The following ROR1 variants were observed in gnomAD, a reference collection of about 807,000 sequenced individuals.
The protein encoded by ROR1 is inactive tyrosine-protein kinase transmembrane receptor ROR1.
A neutral mutation model predicts 78.8 loss-of-function variants in ROR1; 19 were observed. The ratio of observed to expected loss-of-function variants is 0.24; its 90% confidence interval spans 0.17 to 0.35. ROR1 has a LOEUF of 0.35. Ranked by LOEUF, ROR1 falls within the 10% of genes least tolerant of loss-of-function variation. ROR1 has a pLI of 1.00. For synonymous variants in ROR1, 386 were observed against 433.6 expected, an observed-to-expected ratio of 0.89 and a Z score of 1.36; for missense variants, 917 against 1,177.8, an observed-to-expected ratio of 0.78 and a Z score of 3.24.
At chr1:63,983,690 T>C (rs144966991) in intron 1 of ROR1, among the ~76,000 whole-genome samples, 202 of 152,288 alleles carry the variant, frequency 1.3e-3, no homozygotes, top group Admixed American at 3.3e-3. Context: ...TAAAACTGCC[T>C]TTAGCGCCTC....
intron 1 of ROR1, among the ~76,000 whole-genome samples, chr1:63,892,556 G>A (rs1349199508): frequency 6.6e-6 from 1 of 152,158 alleles, no homozygotes; most frequent in African/African-American, 2.4e-5. Context: ...AGCCTGAGAA[G>A]GCAGATAGAT....
At chr1:64,158,748 A>C (rs975671224) in intron 7 of ROR1, among the ~76,000 whole-genome samples, 1 of 152,218 alleles carries the variant, frequency 6.6e-6, no homozygotes, top group African/African-American at 2.4e-5. Context: ...AAGTCTTCAT[A>C]ATGTCCCTCT....
chr1:64,060,760 G>A (rs72914959), intron 4 of ROR1, among the ~76,000 whole-genome samples: 3,655 of 152,256 alleles, frequency 0.024, 157 homozygotes, highest in African/African-American at 0.082. Context: ...CTGCAGAGAA[G>A]GAGCAGATGG....
chr1:64,171,529 T>G (rs1482190606), intron 8 of ROR1, among the ~76,000 whole-genome samples: 1 of 152,144 alleles, frequency 6.6e-6, no homozygotes, highest in Non-Finnish European at 1.5e-5. Flanking sequence ...TGTAGACACT[T>G]GTGTCCAGCC....
chr1:63,902,644 T>G (rs947566257), intron 1 of ROR1, among the ~76,000 whole-genome samples: 1 of 152,110 alleles, frequency 6.6e-6, no homozygotes, highest in Non-Finnish European at 1.5e-5. Flanking sequence ...GGATTATAAA[T>G]CTAGCTCCAT....
At chr1:63,958,769 C>G (rs770556362) in intron 1 of ROR1, among the ~76,000 whole-genome samples, 3 of 152,172 alleles carry the variant, frequency 2.0e-5, no homozygotes, top group Non-Finnish European at 2.9e-5. Context: ...TCCATCACAT[C>G]AACATTCCAG....
At chr1:63,816,541 T>A (rs1316021806) in intron 1 of ROR1, among the ~76,000 whole-genome samples, 1 of 152,186 alleles carries the variant, frequency 6.6e-6, no homozygotes, top group African/African-American at 2.4e-5. Context: ...TGTAAGTCCA[T>A]TAAACCTCTT....
At chr1:63,896,765 G>A (rs1171744437) in intron 1 of ROR1, among the ~76,000 whole-genome samples, 2 of 151,974 alleles carry the variant, frequency 1.3e-5, no homozygotes, top group African/African-American at 4.8e-5. Flanking sequence ...GATTTGGGGG[G>A]CATTGGGGGG....
At chr1:63,894,400 G>GT (rs1557548384) in intron 1 of ROR1, among the ~76,000 whole-genome samples, 1 of 152,144 alleles carries the variant, frequency 6.6e-6, no homozygotes, top group Non-Finnish European at 1.5e-5. Flanking sequence ...ATAAGAGAAA[G>GT]CAATTTGATG....
At chr1:63,864,285 C>T (rs1338223819) in intron 1 of ROR1, among the ~76,000 whole-genome samples, 1 of 152,180 alleles carries the variant, frequency 6.6e-6, no homozygotes, top group Admixed American at 6.6e-5. Context: ...GAAAGCTGCT[C>T]ACTCTCAGCC....
chr1:64,179,071 T>C lies in ROR1; in HGVS notation c.*216T>C. 2.0e-6 allele frequency: 1 copy of C among 509,058 alleles called. No individual in the cohort carries two copies. Among genetic ancestry groups the C allele is most frequent in the Non-Finnish European group, 3.4e-6 (1 of 292,130 alleles). 31.5% of individuals were successfully genotyped at this position (509,058 alleles called of 1,614,324 possible). On this transcript the variant is annotated 3_prime_UTR_variant, in exon 9 of 9. Coordinates refer to ENST00000371079, the MANE Select transcript of ROR1 (RefSeq NM_005012.4). ...ACAAGCAAACAAAAACATTGTGGGA[T>C]GTGCACTCCATTGGAGTGCATGACA...
intron 1 of ROR1, among the ~76,000 whole-genome samples, chr1:63,815,849 TG>T (rs1260494046): frequency 6.6e-6 from 1 of 151,854 alleles, no homozygotes; most frequent in East Asian, 1.9e-4. Context: ...AGTCCTGGGG[TG>T]GGGGACCTGC....
rs1553133293 is a variant in ROR1, at chr1:63,806,316, A to AATT, written c.91+31808_91+31809insATT. Among the ~76,000 whole-genome samples the AATT allele has an allele frequency of 1.4e-3, 120 of 87,254 alleles. 1 individual carries two copies. The South Asian group carries it at 0.021, about 15-fold the overall frequency. 57.2% of individuals were successfully genotyped at this position (87,254 alleles called of 152,430 possible). Reference sequence around the variant, plus strand: ...TTAGCTTGTTTGTGACTGTCAGACTATTTTTTTTTTTTTTTTTTTGAGATG... The same window carrying AATT: ...TTAGCTTGTTTGTGACTGTCAGACTAATTTTTTTTTTTTTTTTTTTTTGAGATG... On this transcript the variant is annotated intron_variant, in intron 1 of 8. Coordinates refer to ENST00000371079, the MANE Select transcript of ROR1 (RefSeq NM_005012.4).
intron 1 of ROR1, among the ~76,000 whole-genome samples, chr1:63,861,819 CCA>C (rs1645183956): frequency 6.6e-6 from 1 of 152,022 alleles, no homozygotes; most frequent in African/African-American, 2.4e-5. Flanking sequence ...AGATAAATGC[CCA>C]TTCCAATTGA....
chr1:64,027,753 T>C (rs1389282792), intron 2 of ROR1, among the ~76,000 whole-genome samples: 3 of 151,950 alleles, frequency 2.0e-5, no homozygotes, highest in Non-Finnish European at 4.4e-5. Context: ...AGTGGCTTGG[T>C]CTCAGCTCAC....
chr1:63,803,350 T>TC (rs1644807504), intron 1 of ROR1, among the ~76,000 whole-genome samples: 2 of 152,040 alleles, frequency 1.3e-5, no homozygotes, highest in African/African-American at 4.8e-5. Flanking sequence ...CATCAAATTT[T>TC]TTTTTTTTTT....
chr1:64,102,059 A>C (rs1280005488), intron 4 of ROR1, among the ~76,000 whole-genome samples: 1 of 152,156 alleles, frequency 6.6e-6, no homozygotes, highest in African/African-American at 2.4e-5. Flanking sequence ...TCAGGTGATG[A>C]GAAAAAGAAG....
chr1:64,102,234 C>T (rs565120440), intron 4 of ROR1, among the ~76,000 whole-genome samples: 9 of 152,216 alleles, frequency 5.9e-5, no homozygotes, highest in Non-Finnish European at 1.0e-4. Context: ...CAAGAAGGAG[C>T]GTGGAAAGTA....
At chr1:64,173,149 T>C (rs1650286079) in intron 8 of ROR1, among the ~76,000 whole-genome samples, 1 of 152,222 alleles carries the variant, frequency 6.6e-6, no homozygotes, top group African/African-American at 2.4e-5. Context: ...ATTTTTTTTC[T>C]GGGCACTTCT....
Sources: gnomAD v4.1 joint callset for allele counts (sites outside exome capture counted in the v4.1 genomes callset) on GRCh38, gnomAD v4.1.1 for gene constraint, MANE v1.5 for transcripts, NCBI Gene and HGNC (gene_info 2026-07-23, HGNC 2026-07-21) for gene names.